Variants in TRHDE observed in about 807,000 individuals in gnomAD.
TRHDE encodes thyrotropin releasing hormone degrading enzyme.
Under a neutral mutation model 125.7 loss-of-function variants are expected in TRHDE, and 72 were observed. The ratio of observed to expected loss-of-function variants is 0.57; its 90% CI spans 0.47 to 0.70. The LOEUF is 0.70. TRHDE is among the 30% of genes least tolerant of loss of function. The probability of loss-of-function intolerance (pLI) is 0.00; values close to 1 mark genes in which losing one functional copy is unlikely to be tolerated. For synonymous variants in TRHDE, 509 were observed against 509.1 expected, an observed-to-expected ratio of 1.00 and a Z score of 0.00; for missense variants, 1,110 against 1,327.1, an observed-to-expected ratio of 0.84 and a Z score of 2.54.
At chr12:72,102,865 C>G (rs995658203) in intron 1 of TRHDE, among the ~76,000 whole-genome samples, 5 of 152,184 alleles carry the variant, frequency 3.3e-5, no homozygotes, top group African/African-American at 1.2e-4. Context: ...CAGAAGACAC[C>G]TTGGAGGCAT....
At chr12:72,568,529 A>T in intron 9 of TRHDE, 39 bp from the exon 10 acceptor site, 1 of 1,467,760 alleles carries the variant, frequency 6.8e-7, no homozygotes, top group Non-Finnish European at 9.5e-7. Flanking sequence ...GTTTCGATAT[A>T]GTTATTTTTA....
At chr12:72,549,149 G>T (rs1408016860) in intron 7 of TRHDE, among the ~76,000 whole-genome samples, 1 of 151,816 alleles carries the variant, frequency 6.6e-6, no homozygotes, top group Non-Finnish European at 1.5e-5. Context: ...CATTATTATT[G>T]GTTTGTGCTC....
intron 5 of TRHDE, among the ~76,000 whole-genome samples, chr12:72,495,060 G>GTTTTTTTTTTTTTTTTTTTTTTT (rs751243542): frequency 3.8e-4 from 22 of 58,390 alleles, no homozygotes; most frequent in Non-Finnish European, 4.3e-4. Flanking sequence ...TTCCTCCCCC[G>GTTTTTTTTTTTTTTTTTTTTTTT]TTTTTTTTTT....
chr12:72,378,203 G>T, intron 3 of TRHDE, 82 bp downstream of exon 3: 1 of 1,284,450 alleles, frequency 7.8e-7, no homozygotes, highest in East Asian at 2.6e-5. Context: ...GAGCCATCCA[G>T]AAGCATGAAA....
In TRHDE at chr12:72,518,415, CT is replaced by C. The variant is rs1012377468; in HGVS notation, c.1722+18784del. 6.5e-3 allele frequency among the ~76,000 whole-genome samples: 987 copies of C among 151,736 alleles called. 3 individuals carry two copies. The highest frequency in any genetic ancestry group is 0.011 in the Admixed American group (173 of 15,248). Reference sequence around the variant, plus strand: ...CATTATGTAATGGCGTTCTTTGTCTCTTTTGATCTTTGTTGGTTTAAAGTCT... The same window carrying C: ...CATTATGTAATGGCGTTCTTTGTCTCTTTGATCTTTGTTGGTTTAAAGTCT... On this transcript the variant is annotated intron_variant, in intron 6 of 18. Transcript: ENST00000261180.
chr12:72,606,479 G>A (rs1347196), intron 12 of TRHDE, among the ~76,000 whole-genome samples: 61,380 of 151,978 alleles, frequency 0.4, 14,395 homozygotes, highest in African/African-American at 0.64. Context: ...TACAGTTTAC[G>A]AAATACTCTT....
intron 2 of TRHDE, among the ~76,000 whole-genome samples, chr12:72,189,923 C>A (rs1369551667): frequency 6.6e-6 from 1 of 152,138 alleles, no homozygotes; most frequent in Non-Finnish European, 1.5e-5. Flanking sequence ...TATGTAGCTT[C>A]CAGCAGACAC....
intron 12 of TRHDE, among the ~76,000 whole-genome samples, chr12:72,592,708 C>CTTTCT (rs1871738939): frequency 6.9e-6 from 1 of 144,590 alleles, no homozygotes; most frequent in African/African-American, 2.5e-5. Flanking sequence ...TCTTTTCTTT[C>CTTTCT]TTTTTTTTTT....
intron 15 of TRHDE, among the ~76,000 whole-genome samples, chr12:72,636,371 T>G (rs1565818541): frequency 1.3e-5 from 2 of 151,644 alleles, no homozygotes; most frequent in Non-Finnish European, 2.9e-5. Context: ...GAGACTTTGC[T>G]GAAGTTGCTT....
chr12:72,263,042 A>C (rs1164277880), intron 2 of TRHDE: 1 of 152,130 alleles, frequency 6.6e-6, no homozygotes, highest in Non-Finnish European at 1.5e-5. Context: ...GATCTGCTTA[A>C]TTTGAAATAT....
intron 12 of TRHDE, among the ~76,000 whole-genome samples, chr12:72,589,819 A>G (rs1362337035): frequency 6.6e-6 from 1 of 151,832 alleles, no homozygotes; most frequent in Non-Finnish European, 1.5e-5. Context: ...AATTAGAGTT[A>G]ATTTGTTGAT....
chr12:72,329,425 T>G (rs879081230), intron 2 of TRHDE, among the ~76,000 whole-genome samples: 4 of 152,132 alleles, frequency 2.6e-5, no homozygotes, highest in Non-Finnish European at 4.4e-5. Flanking sequence ...AAATCAGAGA[T>G]TTACTCTGAT....
At chr12:72,191,504 T>C (rs1288984334) in intron 2 of TRHDE, among the ~76,000 whole-genome samples, 1 of 152,174 alleles carries the variant, frequency 6.6e-6, no homozygotes, top group Non-Finnish European at 1.5e-5. Context: ...CTGACTGATA[T>C]AGGCAGGAAA....
At chr12:72,134,234 G>A (rs1405725306) in intron 2 of TRHDE, among the ~76,000 whole-genome samples, 8 of 151,904 alleles carry the variant, frequency 5.3e-5, no homozygotes, top group East Asian at 1.9e-4. Flanking sequence ...TTCATTTCTG[G>A]ACACTTTCCA....
intron 15 of TRHDE, among the ~76,000 whole-genome samples, 191 bp from the exon 16 acceptor site, chr12:72,652,131 A>G (rs1223005200): frequency 6.6e-6 from 1 of 152,064 alleles, no homozygotes; most frequent in Non-Finnish European, 1.5e-5. Flanking sequence ...AATAAAAGAC[A>G]TTATTTTATT....
chr12:72,272,296 A>C, upstream of TRHDE: 1 of 359,038 alleles, frequency 2.8e-6, no homozygotes, highest in Non-Finnish European at 5.5e-6. The surrounding 1 kb of genome is among the most constrained non-coding windows in gnomAD (Gnocchi z 6.7). Context: ...AGCGCGGCGC[A>C]GGGGAGGGAG....
chr12:72,243,412 G>A (rs562646662), intron 2 of TRHDE, among the ~76,000 whole-genome samples: 1 of 152,106 alleles, frequency 6.6e-6, no homozygotes, highest in African/African-American at 2.4e-5. Context: ...TACTTAAAAT[G>A]TGGCTATTCT....
intron 2 of TRHDE, among the ~76,000 whole-genome samples, chr12:72,178,946 A>G (rs1318681049): frequency 6.6e-6 from 1 of 152,154 alleles, no homozygotes; most frequent in Non-Finnish European, 1.5e-5. Context: ...GGTAATTTCT[A>G]CAAACTGAAG....
chr12:72,264,157 T>C lies in TRHDE; in HGVS notation n.280-113838T>C, dbSNP rs537955600. The C allele has an allele frequency of 8.5e-5, 13 of 152,206 alleles. No individual in the cohort carries two copies. In the East Asian group the frequency reaches 2.5e-3, roughly 29 times the overall value. The allele number at this position is 152,206 out of a possible 1,614,324, so 9.4% of individuals were successfully genotyped here. Reference sequence around the variant, plus strand: ...TATAACATCTCTAATACATGAAGAATGTTTGGGAACCTATAACACATTTCT... The same window carrying C: ...TATAACATCTCTAATACATGAAGAACGTTTGGGAACCTATAACACATTTCT... On this transcript the variant is annotated intron_variant and non_coding_transcript_variant, in intron 2 of 4. Transcript: ENST00000548156.
Sources: allele counts gnomAD v4.1 joint callset (sites outside exome capture counted in the v4.1 genomes callset), GRCh38; gene constraint gnomAD v4.1.1; non-coding constraint Gnocchi (gnomAD v3.1); transcripts MANE v1.5; gene names NCBI Gene and HGNC (gene_info 2026-07-23, HGNC 2026-07-21).